The following GRM8 variants were observed in gnomAD, a reference collection of about 807,000 sequenced individuals.
GRM8 encodes metabotropic glutamate receptor 8.
GRM8 carries 47 observed loss-of-function variants against 87.2 expected under a neutral mutation model. The observed-to-expected ratio is 0.54, with a 90% CI of 0.43 to 0.69. The LOEUF is 0.69. GRM8 is among the 30% of genes least tolerant of loss of function. The pLI is 0.00. For missense variants in GRM8, 1,019 were observed against 1,139.2 expected (o/e 0.89, Z 1.52); for synonymous variants, 396 against 404.5 (o/e 0.98, Z 0.25).
chr7:126,825,718 CT>C (rs916708329), intron 6 of GRM8, among the ~76,000 whole-genome samples: 18 of 151,872 alleles, frequency 1.2e-4, no homozygotes, highest in African/African-American at 3.1e-4. Flanking sequence ...GAAACTGAAA[CT>C]TTTTTTTATT....
intron 8 of GRM8, among the ~76,000 whole-genome samples, chr7:126,569,559 CAG>C (rs569807472): frequency 9.8e-5 from 15 of 152,288 alleles, no homozygotes; most frequent in African/African-American, 3.4e-4. Context: ...AGTGTTAGCA[CAG>C]AGTCACTAAA....
chr7:126,694,938 A>C (rs533647471), intron 7 of GRM8, among the ~76,000 whole-genome samples: 9 of 152,152 alleles, frequency 5.9e-5, no homozygotes, highest in Non-Finnish European at 1.3e-4. Flanking sequence ...TCTGAGCTTA[A>C]GAATGGAGAA....
chr7:126,775,423 C>G (rs1052095796), intron 6 of GRM8, among the ~76,000 whole-genome samples: 3 of 149,940 alleles, frequency 2.0e-5, no homozygotes, highest in African/African-American at 7.4e-5. Flanking sequence ...CCATGAGAAC[C>G]ATGCCAAGAA....
chr7:127,205,969 C>T (rs541114906), intron 2 of GRM8, among the ~76,000 whole-genome samples: 3 of 152,230 alleles, frequency 2.0e-5, no homozygotes, highest in Non-Finnish European at 2.9e-5. Flanking sequence ...GGATGACTAA[C>T]CTGATGCTCA....
intron 3 of GRM8, among the ~76,000 whole-genome samples, chr7:126,979,914 C>T (rs1487301124): frequency 9.9e-5 from 15 of 152,232 alleles, no homozygotes; most frequent in Non-Finnish European, 2.2e-4. Context: ...GGTTTCCTAA[C>T]TGGTGAAGTC....
At chr7:127,109,293 GA>G (rs1160751466) in intron 2 of GRM8, among the ~76,000 whole-genome samples, 1 of 152,026 alleles carries the variant, frequency 6.6e-6, no homozygotes, top group East Asian at 1.9e-4. Flanking sequence ...AAGTTGCTAG[GA>G]AAAGCACCCA....
intron 7 of GRM8, among the ~76,000 whole-genome samples, chr7:126,677,403 T>C (rs1357682860): frequency 6.8e-6 from 1 of 147,454 alleles, no homozygotes; most frequent in Non-Finnish European, 1.5e-5. Context: ...CCTGCACGCA[T>C]ATAGTTATCA....
At chr7:126,698,756 A>G (rs2151389199) in intron 7 of GRM8, among the ~76,000 whole-genome samples, 1 of 152,310 alleles carries the variant, frequency 6.6e-6, no homozygotes, top group African/African-American at 2.4e-5. Flanking sequence ...TAAGAGTTGC[A>G]TACCTTCGTA....
chr7:126,879,692 A>T (rs182310982), intron 6 of GRM8, among the ~76,000 whole-genome samples: 30 of 152,346 alleles, frequency 2.0e-4, no homozygotes, highest in Non-Finnish European at 7.3e-5. Flanking sequence ...TAAATAACAG[A>T]AGAAAAAGTT....
chr7:126,903,695 G>GTA lies in GRM8; in HGVS notation c.1018+275_1018+276dup, dbSNP rs1302032360. On this transcript the variant is annotated intron_variant, in intron 5 of 10. Coordinates refer to ENST00000339582, the MANE Select transcript of GRM8 (RefSeq NM_000845.3). ...TATGTGTATATATATATGTATATGT[G>GTA]TATATATATATGTATATGTGTATAT... Among the ~76,000 whole-genome samples, 14 of 133,200 alleles carry GTA rather than the reference G, an allele frequency of 1.1e-4. No homozygotes were observed. In the East Asian group the frequency reaches 1.3e-3, roughly 13 times the overall value. The allele number at this position is 133,200 out of a possible 152,430, so 87.4% of individuals were successfully genotyped here.
In GRM8 at chr7:126,690,926, G is replaced by C. The variant is rs141162331; in HGVS notation, c.1357+78939C>G. 2.5e-3 allele frequency among the ~76,000 whole-genome samples: 384 copies of C among 152,286 alleles called. 2 individuals carry two copies. The highest frequency in any genetic ancestry group is 8.8e-3 in the African/African-American group (367 of 41,562). ...CCAGGGTTTTTATGGGCTTCAGAGG[G>C]GAGGTAGTGAATGCTGATTGGTCCA... is the stretch of plus-strand genomic sequence containing the variant. On this transcript the variant is annotated intron_variant, in intron 7 of 10. Transcript: ENST00000339582.
At chr7:126,655,302 ATC>A (rs937949135) in intron 7 of GRM8, among the ~76,000 whole-genome samples, 1 of 152,174 alleles carries the variant, frequency 6.6e-6, no homozygotes, top group Non-Finnish European at 1.5e-5. Context: ...CTATCCACTT[ATC>A]CTATGAGATC....
At chr7:127,250,168 A>T (rs1798787556) in intron 1 of GRM8, among the ~76,000 whole-genome samples, 1 of 152,192 alleles carries the variant, frequency 6.6e-6, no homozygotes, top group Admixed American at 6.5e-5. Flanking sequence ...CAGACGGGTT[A>T]TTTGCTGCAT....
intron 3 of GRM8, among the ~76,000 whole-genome samples, chr7:126,946,098 A>G (rs951395584): frequency 3.9e-5 from 6 of 152,204 alleles, no homozygotes; most frequent in Admixed American, 1.3e-4. Context: ...GGTTTGGCCT[A>G]CAGAATACAA....
intron 6 of GRM8, among the ~76,000 whole-genome samples, chr7:126,778,838 A>G (rs1169794203): frequency 1.3e-5 from 2 of 152,116 alleles, no homozygotes; most frequent in African/African-American, 4.8e-5. Flanking sequence ...TTAAAAATAC[A>G]GTCTATTTTT....
rs1414928455 is a variant in GRM8 at position 127,107,097 on chromosome 7, CT to C, written c.511-386del. 5.9e-5 allele frequency among the ~76,000 whole-genome samples: 9 copies of C among 152,198 alleles called. 1 individual carries two copies. The highest frequency in any genetic ancestry group is 7.3e-5 in the Non-Finnish European group (5 of 68,036). ...GCATATACATCAGAAAAGGTCACCT[CT>C]GAAACTGGCTTTGGCTTTATAGGAC... On this transcript the variant is annotated intron_variant, in intron 2 of 10. Transcript: ENST00000339582.
Position 126,647,161 on chromosome 7 carries a change from T to C in GRM8, c.1358-37663A>G, listed in dbSNP as rs1316702709. Among the ~76,000 whole-genome samples the C allele has an allele frequency of 3.3e-5, 5 of 152,054 alleles. No individual in the cohort carries two copies. The East Asian group carries it at 9.7e-4, about 29-fold the overall frequency. On this transcript the variant is annotated intron_variant, in intron 7 of 10. Transcript: ENST00000339582. ...AGTCCCAGCTACTCAGGAAGTGAGG[T>C]GGGAAGATTGCTTGAGCCCCACAGC...
rs555726186 is a variant in GRM8 at position 127,109,325 on chromosome 7, T to TA, written c.511-2614dup. Reference sequence around the variant, plus strand: ...ACCCATTATCAGTTCCCCCATCCTTTAAAAAAAAAAGTAGTGTCTTTTATA... The same window carrying TA: ...ACCCATTATCAGTTCCCCCATCCTTTAAAAAAAAAAAGTAGTGTCTTTTATA... On this transcript the variant is annotated intron_variant, in intron 2 of 10. Transcript: ENST00000339582. Among the ~76,000 whole-genome samples the TA allele has an allele frequency of 3.0e-3, 452 of 148,330 alleles. 2 individuals are homozygous for TA. Among genetic ancestry groups the TA allele is most frequent in the Non-Finnish European group, 4.6e-3 (310 of 66,724 alleles).
chr7:126,484,841 G>A (rs768578343), intron 9 of GRM8, among the ~76,000 whole-genome samples: 13 of 151,228 alleles, frequency 8.6e-5, no homozygotes, highest in Non-Finnish European at 1.9e-4. Context: ...GGAAAGCTGG[G>A]TAAGGCTGTG....
Sources: allele counts gnomAD v4.1 joint callset (sites outside exome capture counted in the v4.1 genomes callset), GRCh38; gene constraint gnomAD v4.1.1; transcripts MANE v1.5; gene names NCBI Gene and HGNC (gene_info 2026-07-23, HGNC 2026-07-21).